The following LMX1B variants were observed in gnomAD, a reference collection of about 807,000 sequenced individuals.
LMX1B encodes the protein LIM homeobox transcription factor 1-beta.
Under a neutral mutation model 51.4 loss-of-function variants are expected in LMX1B, and 12 were observed. The ratio of observed to expected loss-of-function variants is 0.23; its 90% CI spans 0.15 to 0.38. The LOEUF (loss-of-function observed/expected upper bound fraction) is 0.38, where lower values mean the gene tolerates loss of function less well. LMX1B is among the 10% of genes least tolerant of loss of function. The pLI, the probability that LMX1B is intolerant of heterozygous loss-of-function variation, is 1.00. For synonymous variants in LMX1B, 237 were observed against 235.4 expected (o/e 1.01, Z -0.06); for missense variants, 445 against 571.1 (o/e 0.78, Z 2.25).
In LMX1B at chr9:126,698,773, A is replaced by G. The variant is rs2030435144; in HGVS notation, c.*2322A>G. The stretch of plus-strand genomic sequence containing the variant: ...GGATCTCTGGAATCCTCTAAGTTCA[A>G]CCTGTTCTGTGGTTTTGCTCCCGTT... On this transcript the variant is annotated 3_prime_UTR_variant, in exon 8 of 8. Coordinates refer to ENST00000373474, the MANE Select transcript of LMX1B (RefSeq NM_001174147.2). 6.6e-6 allele frequency: 1 copy of G among 152,392 alleles called. No homozygotes were observed. Among genetic ancestry groups the G allele is most frequent in the African/African-American group, 2.4e-5 (1 of 41,426 alleles). The allele number at this position is 152,392 out of a possible 1,614,324, so 9.4% of individuals were successfully genotyped here. A position where few individuals can be genotyped will look rare whatever the true frequency, so the allele number is the denominator to read the frequency against.
At chr9:126,639,438 G>A (rs1235649936) in intron 2 of LMX1B, among the ~76,000 whole-genome samples, 2 of 152,246 alleles carry the variant, frequency 1.3e-5, no homozygotes, top group Admixed American at 1.3e-4. Context: ...CCCGCCTGGA[G>A]GGTCTCACCC....
chr9:126,688,206 T>C (rs919054147), intron 2 of LMX1B, among the ~76,000 whole-genome samples: 1 of 152,174 alleles, frequency 6.6e-6, no homozygotes, highest in Non-Finnish European at 1.5e-5. Flanking sequence ...TAATAGATTG[T>C]GTTGATGAGT....
chr9:126,647,440 C>A (rs953960407), intron 2 of LMX1B, among the ~76,000 whole-genome samples: 3 of 152,192 alleles, frequency 2.0e-5, no homozygotes, highest in African/African-American at 7.2e-5. Flanking sequence ...TTGCATTTTT[C>A]ACTTGCCCGT....
At chr9:126,678,520 C>T (rs1346903993) in intron 2 of LMX1B, among the ~76,000 whole-genome samples, 3 of 152,116 alleles carry the variant, frequency 2.0e-5, no homozygotes, top group Admixed American at 2.0e-4. Flanking sequence ...GCTTTTTACC[C>T]TGAGCATGTT....
chr9:126,614,416 C>T lies in LMX1B; in HGVS notation c.-34C>T, dbSNP rs1835258178. 2.8e-6 allele frequency: 4 copies of T among 1,424,496 alleles called. No individual in the cohort carries two copies. Among genetic ancestry groups the T allele is most frequent in the Non-Finnish European group, 3.7e-6 (4 of 1,084,324 alleles). The allele number at this position is 1,424,496 out of a possible 1,614,324, so 88.2% of individuals were successfully genotyped here. On this transcript the variant is annotated 5_prime_UTR_variant, in exon 1 of 8. Coordinates refer to ENST00000373474, the MANE Select transcript of LMX1B (RefSeq NM_001174147.2). ...TGGACGGGCCGGCGGGCGAGCAGCC[C>T]GGCCGGCGGGGTCCGCAGCGCGCCC...
chr9:126,630,908 C>T (rs1305305024), intron 2 of LMX1B, among the ~76,000 whole-genome samples: 1 of 152,256 alleles, frequency 6.6e-6, no homozygotes, highest in Non-Finnish European at 1.5e-5. Flanking sequence ...GCCGGTGCAG[C>T]AATTCAGGGC....
Position 126,695,693 on chromosome 9 carries a change from G to C in LMX1B, c.887-146G>C, listed in dbSNP as rs2030301904. 3.6e-6 allele frequency: 3 copies of C among 822,802 alleles called. No individual in the cohort carries two copies. Among genetic ancestry groups the C allele is most frequent in the East Asian group, 2.6e-5 (1 of 39,154 alleles). The allele number at this position is 822,802 out of a possible 1,614,324, so 51.0% of individuals were successfully genotyped here. A position where few individuals can be genotyped will look rare whatever the true frequency, so the allele number is the denominator to read the frequency against. ...GGAGGAGCTGGAGTGTGCACCTGGG[G>C]AAGGGGCTGGGGAGTCAGTGTCTGG... On this transcript the variant is annotated intron_variant, in intron 6 of 7. Transcript: ENST00000373474. This position sits in a 1 kb window ranked among gnomAD's most constrained non-coding sequence, Gnocchi z 5.2.
chr9:126,634,141 A>G (rs1239491809), intron 2 of LMX1B, among the ~76,000 whole-genome samples: 1 of 152,196 alleles, frequency 6.6e-6, no homozygotes, highest in Admixed American at 6.5e-5. Context: ...CCAGGACTCC[A>G]AATGAGCAAG....
chr9:126,650,793 G>A (rs1835988279), intron 2 of LMX1B, among the ~76,000 whole-genome samples: 3 of 152,212 alleles, frequency 2.0e-5, no homozygotes, highest in South Asian at 4.1e-4. Context: ...GGTGCCCTGG[G>A]CGGCCCTCGG....
At chr9:126,667,028 CGTT>C (rs1229795418) in intron 2 of LMX1B, among the ~76,000 whole-genome samples, 4 of 152,128 alleles carry the variant, frequency 2.6e-5, no homozygotes, top group Admixed American at 6.6e-5. Flanking sequence ...ATTACAAAAT[CGTT>C]GTTGCTCATT....
intron 2 of LMX1B, among the ~76,000 whole-genome samples, chr9:126,682,041 C>T (rs1367548907): frequency 3.3e-5 from 5 of 150,076 alleles, no homozygotes; most frequent in Non-Finnish European, 7.4e-5. Flanking sequence ...TCATCTGCTC[C>T]AGCCACACCC....
chr9:126,687,121 G>T (rs2029923687), intron 2 of LMX1B, among the ~76,000 whole-genome samples: 1 of 152,144 alleles, frequency 6.6e-6, no homozygotes, highest in Non-Finnish European at 1.5e-5. Flanking sequence ...AGAAATGTGG[G>T]GTACCTGGAG....
chr9:126,685,929 T>G (rs1056512251), intron 2 of LMX1B, among the ~76,000 whole-genome samples: 2 of 152,070 alleles, frequency 1.3e-5, no homozygotes, highest in Non-Finnish European at 2.9e-5. Flanking sequence ...CCAAGCCCGG[T>G]GCATGCAGTC....
At chr9:126,693,082 A>G (rs1276938652) in intron 3 of LMX1B, 60 bp from the exon 4 acceptor site, 3 of 1,520,852 alleles carry the variant, frequency 2.0e-6, no homozygotes, top group Non-Finnish European at 2.7e-6. Flanking sequence ...CGAAGGGGAC[A>G]AGGCTGAGGC....
Position 126,615,714 on chromosome 9 carries a change from T to A in LMX1B, c.326+145T>A. ...CTCCAAGGGTTCCGAGAGCTGCGCG[T>A]CTTGGGGCTGGGGCGGACCAGCCCA... On this transcript the variant is annotated intron_variant, in intron 2 of 7. Transcript: ENST00000373474. This position sits in a 1 kb window ranked among gnomAD's most constrained non-coding sequence, Gnocchi z 6.0. 1 of 726,100 alleles carries A rather than the reference T, an allele frequency of 1.4e-6. No individual in the cohort carries two copies. 45.0% of individuals were successfully genotyped at this position (726,100 alleles called of 1,614,324 possible).
chr9:126,619,704 G>C (rs1252208064), intron 2 of LMX1B, among the ~76,000 whole-genome samples: 5 of 152,216 alleles, frequency 3.3e-5, no homozygotes, highest in African/African-American at 1.2e-4. Flanking sequence ...GCCTTCCTGA[G>C]GCTGCAGTCC....
intron 2 of LMX1B, among the ~76,000 whole-genome samples, chr9:126,652,878 G>A (rs1836047696): frequency 6.6e-6 from 1 of 152,186 alleles, no homozygotes; most frequent in Non-Finnish European, 1.5e-5. Flanking sequence ...ATGCTGAGGT[G>A]TAGCCCCAGC....
intron 2 of LMX1B, among the ~76,000 whole-genome samples, chr9:126,656,839 G>A (rs144927124): frequency 6.4e-4 from 97 of 152,328 alleles, no homozygotes; most frequent in South Asian, 1.5e-3. Context: ...CACTGGCACC[G>A]CATCCCCCAG....
intron 2 of LMX1B, among the ~76,000 whole-genome samples, chr9:126,690,013 T>G (rs2030064496): frequency 6.6e-6 from 1 of 151,950 alleles, no homozygotes; most frequent in Admixed American, 6.6e-5. Flanking sequence ...GACGGAGGGA[T>G]GGGAAGGTGT....
Sources: allele counts gnomAD v4.1 joint callset (sites outside exome capture counted in the v4.1 genomes callset), GRCh38; gene constraint gnomAD v4.1.1; non-coding constraint Gnocchi (gnomAD v3.1); transcripts MANE v1.5; gene names NCBI Gene and HGNC (gene_info 2026-07-23, HGNC 2026-07-21).